Variants in PITPNM2 observed in about 807,000 individuals in gnomAD.
The protein encoded by PITPNM2 is membrane-associated phosphatidylinositol transfer protein 2.
A neutral mutation model predicts 132.2 loss-of-function variants in PITPNM2; 35 were observed. That is an observed-to-expected ratio of 0.26 (90% CI 0.20 to 0.35). PITPNM2 has a LOEUF of 0.35. PITPNM2 is among the 10% of genes least tolerant of loss of function. PITPNM2 has a pLI of 1.00. For synonymous variants in PITPNM2, 738 were observed against 799.2 expected (o/e 0.92, Z 1.29); for missense variants, 1,332 against 1,912.0 (o/e 0.70, Z 5.66).
intron 17 of PITPNM2, 67 bp from the exon 18 acceptor site, chr12:122,990,015 G>T: frequency 1.7e-6 from 2 of 1,211,172 alleles, no homozygotes; most frequent in African/African-American, 1.6e-5. Context: ...TCTACCAGGG[G>T]CCAGGCAGGA....
chr12:123,034,272 C>T (rs891017063), intron 3 of PITPNM2: 8 of 514,886 alleles, frequency 1.6e-5, no homozygotes, highest in African/African-American at 5.7e-5. Flanking sequence ...GGCAAGTGTT[C>T]GCGTTGTAGG....
chr12:123,109,080 A>C (rs1196207846), intron 2 of PITPNM2, among the ~76,000 whole-genome samples: 1 of 152,198 alleles, frequency 6.6e-6, no homozygotes, highest in Non-Finnish European at 1.5e-5. Context: ...GCTCATGGTT[A>C]CTGTGGGACT....
chr12:123,012,205 C>T (rs942125364), intron 5 of PITPNM2, among the ~76,000 whole-genome samples: 2 of 152,210 alleles, frequency 1.3e-5, no homozygotes, highest in Non-Finnish European at 2.9e-5. Flanking sequence ...AAATGGGGCC[C>T]ATCCCCTACA....
At position 123,012,139 on chromosome 12, in the gene PITPNM2, G is replaced by A. The variant is rs146541246; in HGVS notation, c.415+474C>T. 4.7e-4 allele frequency among the ~76,000 whole-genome samples: 72 copies of A among 152,328 alleles called. 1 individual carries two copies. The highest frequency in any genetic ancestry group is 6.8e-3 in the Middle Eastern group (2 of 294). ...AATTGGTTGCTAACATTTAGTATTG[G>A]GAGATTTCTCATGAACATCCTTATC... is the stretch of plus-strand genomic sequence containing the variant. On this transcript the variant is annotated intron_variant, in intron 5 of 25. Transcript: ENST00000320201.
intron 3 of PITPNM2, among the ~76,000 whole-genome samples, chr12:123,020,719 C>T (rs559956982): frequency 9.2e-5 from 14 of 152,112 alleles, no homozygotes; most frequent in Non-Finnish European, 2.1e-4. Context: ...AGAGGCCGGG[C>T]TGCAGTTGAA....
intron 3 of PITPNM2, among the ~76,000 whole-genome samples, chr12:123,019,646 AC>A (rs1001035782): frequency 7.9e-5 from 12 of 152,108 alleles, no homozygotes; most frequent in African/African-American, 2.9e-4. Context: ...AGCTGAAATA[AC>A]CCCAAATAGC....
chr12:123,058,957 C>T lies in PITPNM2; in HGVS notation c.-95-24272G>A, dbSNP rs575135669. Among the ~76,000 whole-genome samples, 1 of 152,288 alleles carries T rather than the reference C, an allele frequency of 6.6e-6. No homozygotes were observed. Among genetic ancestry groups the T allele is most frequent in the South Asian group, 2.1e-4 (1 of 4,826 alleles). On this transcript the variant is annotated intron_variant, in intron 2 of 25. Coordinates refer to ENST00000320201, the MANE Select transcript of PITPNM2 (RefSeq NM_020845.3). This position sits in a 1 kb window ranked among gnomAD's most constrained non-coding sequence, Gnocchi z 4.0. ...TCCCACCACACCCCATTCCCATTGT[C>T]TGGGCCCAAACCATGAAGCTCAGGG... is the stretch of plus-strand genomic sequence containing the variant.
intron 3 of PITPNM2, chr12:123,034,147 T>C (rs1407830451): frequency 4.9e-6 from 1 of 204,190 alleles, no homozygotes; most frequent in Admixed American, 5.5e-5. Flanking sequence ...TGAGGAAGTG[T>C]GTTCCTCTAC....
chr12:123,126,923 G>A (rs2043151062), intron 1 of PITPNM2, among the ~76,000 whole-genome samples: 1 of 152,220 alleles, frequency 6.6e-6, no homozygotes, highest in Non-Finnish European at 1.5e-5. Flanking sequence ...TCCAGCAGGA[G>A]CAAAAGATTT....
intron 2 of PITPNM2, among the ~76,000 whole-genome samples, chr12:123,063,170 A>T (rs2136796631): frequency 6.6e-6 from 1 of 152,338 alleles, no homozygotes; most frequent in East Asian, 1.9e-4. Flanking sequence ...TGACTGGGCA[A>T]GCAAGGGTAG....
At chr12:123,061,209 T>C (rs1383610310) in intron 2 of PITPNM2, among the ~76,000 whole-genome samples, 1 of 152,194 alleles carries the variant, frequency 6.6e-6, no homozygotes, top group Non-Finnish European at 1.5e-5. Context: ...ACGGCAGCTC[T>C]GGGAAACTTT....
chr12:123,071,192 GA>G (rs572652909), intron 2 of PITPNM2, among the ~76,000 whole-genome samples: 19 of 152,226 alleles, frequency 1.2e-4, no homozygotes, highest in Non-Finnish European at 2.1e-4. Flanking sequence ...AGCAGAGGGG[GA>G]CAGGCATGCC....
intron 3 of PITPNM2, among the ~76,000 whole-genome samples, chr12:123,014,964 A>T (rs946100259): frequency 2.0e-5 from 3 of 152,246 alleles, no homozygotes; most frequent in African/African-American, 4.8e-5. Context: ...ATAAATACCT[A>T]GGAATATATT....
At chr12:122,997,735 C>T (rs2038492943) in intron 10 of PITPNM2, among the ~76,000 whole-genome samples, 163 bp from the exon 11 acceptor site, 2 of 152,176 alleles carry the variant, frequency 1.3e-5, no homozygotes, top group Non-Finnish European at 1.5e-5. Context: ...GGTTTGGCTG[C>T]CTCAACCCCT....
At chr12:123,075,780 G>C (rs777712907) in intron 2 of PITPNM2, 1 of 152,344 alleles carries the variant, frequency 6.6e-6, no homozygotes, top group Non-Finnish European at 1.5e-5. Flanking sequence ...AGGGCGGAGA[G>C]GCTGGGGCAG....
intron 3 of PITPNM2, among the ~76,000 whole-genome samples, chr12:123,021,047 A>G (rs1263296293): frequency 2.0e-5 from 3 of 150,944 alleles, no homozygotes; most frequent in Non-Finnish European, 3.0e-5. Context: ...AAAAAAAAAA[A>G]AAAAAAAAGA....
At chr12:123,084,412 G>C (rs1011439833) in intron 2 of PITPNM2, 1 of 152,224 alleles carries the variant, frequency 6.6e-6, no homozygotes, top group Non-Finnish European at 1.5e-5. Flanking sequence ...TGGGAATAAG[G>C]CTTGAGCATG....
intron 2 of PITPNM2, among the ~76,000 whole-genome samples, chr12:123,069,283 T>C (rs2041548371): frequency 6.6e-6 from 1 of 151,330 alleles, no homozygotes; most frequent in Admixed American, 6.6e-5. Context: ...CAGATTCCTA[T>C]GCGCTGCTCC....
intron 4 of PITPNM2, among the ~76,000 whole-genome samples, chr12:123,013,602 T>C (rs1423446383): frequency 6.6e-6 from 1 of 152,216 alleles, no homozygotes; most frequent in African/African-American, 2.4e-5. Flanking sequence ...CCTCCACACG[T>C]AGGCAGTCAG....
Sources: allele counts gnomAD v4.1 joint callset (sites outside exome capture counted in the v4.1 genomes callset), GRCh38; gene constraint gnomAD v4.1.1; non-coding constraint Gnocchi (gnomAD v3.1); transcripts MANE v1.5; gene names NCBI Gene and HGNC (gene_info 2026-07-23, HGNC 2026-07-21).